The following RALYL variants were observed in gnomAD, a reference collection of about 807,000 sequenced individuals.
RALYL encodes RALY RNA binding protein like.
A neutral mutation model predicts 35.1 loss-of-function variants in RALYL; 29 were observed. That is an observed-to-expected ratio of 0.83 (90% CI 0.61 to 1.13). The LOEUF is 1.13. Among genes scored for constraint, RALYL ranks in the 50% most tolerant of loss-of-function variants. The pLI is 0.00. For synonymous variants in RALYL, 120 were observed against 127.6 expected, an observed-to-expected ratio of 0.94 and a Z score of 0.40; for missense variants, 359 against 360.4, an observed-to-expected ratio of 1.00 and a Z score of 0.03.
At chr8:84,391,293 T>C (rs2131796427) in intron 1 of RALYL, among the ~76,000 whole-genome samples, 1 of 152,094 alleles carries the variant, frequency 6.6e-6, no homozygotes, top group East Asian at 1.9e-4. Flanking sequence ...TGAGTGCTCT[T>C]TAGAATCCCT....
At chr8:84,482,120 G>A (rs1363732159) in intron 1 of RALYL, among the ~76,000 whole-genome samples, 2 of 151,976 alleles carry the variant, frequency 1.3e-5, no homozygotes, top group African/African-American at 4.8e-5. Context: ...TAAATAATAT[G>A]CTTACACTTT....
chr8:84,624,727 A>G (rs992148151), intron 2 of RALYL, among the ~76,000 whole-genome samples: 1 of 152,156 alleles, frequency 6.6e-6, no homozygotes, highest in East Asian at 1.9e-4. Flanking sequence ...TAGTCTGCCT[A>G]CCACACTTGT....
intron 2 of RALYL, among the ~76,000 whole-genome samples, chr8:84,730,372 A>G (rs1052852204): frequency 3.3e-5 from 5 of 152,194 alleles, no homozygotes; most frequent in Non-Finnish European, 7.3e-5. Context: ...TGAGGTATTG[A>G]TGGGATGTAT....
At chr8:84,217,668 T>G (rs1332753183) in intron 1 of RALYL, among the ~76,000 whole-genome samples, 1 of 152,130 alleles carries the variant, frequency 6.6e-6, no homozygotes, top group African/African-American at 2.4e-5. Flanking sequence ...GTGGGAATTC[T>G]CAAATCCACC....
chr8:84,915,298 T>C (rs1362177561), intron 8 of RALYL, among the ~76,000 whole-genome samples: 1 of 152,024 alleles, frequency 6.6e-6, no homozygotes, highest in African/African-American at 2.4e-5. Flanking sequence ...CTGTCTTTAA[T>C]GTTGTTTCTA....
At chr8:84,580,178 T>G (rs1278363993) in intron 2 of RALYL, among the ~76,000 whole-genome samples, 1 of 152,240 alleles carries the variant, frequency 6.6e-6, no homozygotes, top group Non-Finnish European at 1.5e-5. Flanking sequence ...TTCCATTCAT[T>G]TATTCATTAT....
intron 2 of RALYL, among the ~76,000 whole-genome samples, chr8:84,530,255 T>C (rs1352668408): frequency 6.6e-6 from 1 of 152,112 alleles, no homozygotes; most frequent in African/African-American, 2.4e-5. Context: ...TTTAGATGTT[T>C]TTCTACCTTA....
chr8:84,697,751 C>T (rs1364793327), intron 2 of RALYL, among the ~76,000 whole-genome samples: 2 of 152,000 alleles, frequency 1.3e-5, no homozygotes, highest in African/African-American at 4.8e-5. Context: ...ACCCTCCACC[C>T]TCCAAAGGCC....
At chr8:84,709,459 T>C (rs1841785045) in intron 2 of RALYL, among the ~76,000 whole-genome samples, 1 of 152,052 alleles carries the variant, frequency 6.6e-6, no homozygotes, top group Non-Finnish European at 1.5e-5. Flanking sequence ...TATACATACA[T>C]ATATGCTTTT....
chr8:84,730,945 G>T (rs1174053427), intron 2 of RALYL, among the ~76,000 whole-genome samples: 1 of 150,704 alleles, frequency 6.6e-6, no homozygotes. Flanking sequence ...GAATAAGAAA[G>T]AGGAGGAGGA....
intron 2 of RALYL, among the ~76,000 whole-genome samples, chr8:84,705,305 T>C (rs1023402677): frequency 6.6e-6 from 1 of 151,526 alleles, no homozygotes; most frequent in Non-Finnish European, 1.5e-5. Context: ...GCCCCAGGGG[T>C]TGGGGGTGGG....
intron 1 of RALYL, among the ~76,000 whole-genome samples, chr8:84,326,806 A>G (rs1460869159): frequency 1.3e-5 from 2 of 152,164 alleles, no homozygotes; most frequent in African/African-American, 4.8e-5. Context: ...TTTTAAGGGT[A>G]ATACTCAGAA....
At chr8:84,496,271 C>T (rs1384910531) in intron 1 of RALYL, among the ~76,000 whole-genome samples, 3 of 152,134 alleles carry the variant, frequency 2.0e-5, no homozygotes, top group Non-Finnish European at 4.4e-5. Context: ...GTCTCATCTA[C>T]ATGTGAATAA....
chr8:84,921,547 C>T lies in RALYL; in HGVS notation c.*636C>T, dbSNP rs903813801. 4 of 152,138 alleles carry T rather than the reference C, an allele frequency of 2.6e-5. No individual in the cohort carries two copies. The highest frequency in any genetic ancestry group is 9.7e-5 in the African/African-American group (4 of 41,446). The allele number at this position is 152,138 out of a possible 1,614,324, so 9.4% of individuals were successfully genotyped here. A position where few individuals can be genotyped will look rare whatever the true frequency, so the allele number is the denominator to read the frequency against. On this transcript the variant is annotated 3_prime_UTR_variant, in exon 9 of 9. Transcript: ENST00000521268. ...ATTAAGTTGAGCATGCTCCGCTCTA[C>T]TGAACTAAATGATCCAATTATTACT... is the stretch of plus-strand genomic sequence containing the variant.
intron 1 of RALYL, among the ~76,000 whole-genome samples, chr8:84,197,232 G>A (rs62528130): frequency 0.083 from 12,581 of 151,936 alleles, 603 homozygotes; most frequent in East Asian, 0.24. Flanking sequence ...CTGCATTTTC[G>A]AAGTCCATAA....
chr8:84,441,745 CA>C (rs1374650314), intron 1 of RALYL, among the ~76,000 whole-genome samples: 2 of 152,026 alleles, frequency 1.3e-5, no homozygotes, highest in Non-Finnish European at 2.9e-5. Flanking sequence ...ATTTAAGTAT[CA>C]ATAATGTTTA....
chr8:84,540,320 T>C (rs568404828), intron 2 of RALYL, among the ~76,000 whole-genome samples: 1 of 151,724 alleles, frequency 6.6e-6, no homozygotes, highest in Admixed American at 6.6e-5. Flanking sequence ...GATTTGTGTG[T>C]GTGTGTGTGT....
At chr8:84,848,748 C>T (rs1047050853) in intron 4 of RALYL, among the ~76,000 whole-genome samples, 5 of 151,960 alleles carry the variant, frequency 3.3e-5, no homozygotes, top group East Asian at 3.8e-4. Flanking sequence ...ATGTACTTAA[C>T]GCCATTGAAT....
intron 1 of RALYL, among the ~76,000 whole-genome samples, chr8:84,310,366 T>A (rs1021266997): frequency 3.3e-5 from 5 of 149,830 alleles, no homozygotes; most frequent in African/African-American, 7.3e-5. Context: ...AAAAAAAAAA[T>A]TGGCTAACCC....
Sources: gnomAD v4.1 joint callset for allele counts (sites outside exome capture counted in the v4.1 genomes callset) on GRCh38, gnomAD v4.1.1 for gene constraint, MANE v1.5 for transcripts, NCBI Gene and HGNC (gene_info 2026-07-23, HGNC 2026-07-21) for gene names.